Variants in SGPP2 observed in about 807,000 individuals in gnomAD.
SGPP2 encodes sphingosine-1-phosphate phosphatase 2, also known as sphingosine 1-phosphate phosphohydrolase 2.
A neutral mutation model predicts 33.9 loss-of-function variants in SGPP2; 30 were observed. That is an observed-to-expected ratio of 0.89 (90% CI 0.66 to 1.20). The LOEUF is 1.20. Ranked by LOEUF, SGPP2 falls within the 50% of genes most tolerant of loss-of-function variation. SGPP2 has a pLI of 0.00. For synonymous variants in SGPP2, 233 were observed against 225.0 expected (o/e 1.04, Z -0.32); for missense variants, 458 against 532.1 (o/e 0.86, Z 1.37).
At chr2:222,520,434 A>G (rs1559168147) in intron 2 of SGPP2, among the ~76,000 whole-genome samples, 1 of 152,152 alleles carries the variant, frequency 6.6e-6, no homozygotes, top group Non-Finnish European at 1.5e-5. Context: ...AATCATTTTT[A>G]AAAACTCCAT....
intron 2 of SGPP2, among the ~76,000 whole-genome samples, chr2:222,512,053 C>T (rs1418024242): frequency 2.0e-5 from 3 of 151,652 alleles, no homozygotes; most frequent in South Asian, 2.1e-4. Flanking sequence ...CTTGCTCTGT[C>T]GCCCAGGCTG....
chr2:222,496,001 T>C (rs1050569032), intron 2 of SGPP2, among the ~76,000 whole-genome samples: 2 of 152,190 alleles, frequency 1.3e-5, no homozygotes, highest in Non-Finnish European at 2.9e-5. Context: ...CCCTAAGTAA[T>C]AGAAATGCCC....
intron 1 of SGPP2, chr2:222,452,550 T>A: frequency 8.9e-7 from 1 of 1,129,788 alleles, no homozygotes; most frequent in Non-Finnish European, 1.3e-6. Flanking sequence ...TGGCTGGAAC[T>A]ACATGCAGGA....
chr2:222,512,759 A>G (rs115684625), intron 2 of SGPP2, among the ~76,000 whole-genome samples: 3,873 of 152,116 alleles, frequency 0.025, 68 homozygotes, highest in Non-Finnish European at 0.036. Context: ...GGCTTCTTTC[A>G]CTTACTGATA....
chr2:222,478,171 CGAGAGGGA>C (rs141633341), intron 2 of SGPP2, among the ~76,000 whole-genome samples: 3,284 of 75,980 alleles, frequency 0.043, 171 homozygotes, highest in African/African-American at 0.15. Flanking sequence ...TTCCAAGGGG[CGAGAGGGA>C]GAGAGGGAGA....
At chr2:222,485,382 A>C (rs1698089408) in intron 2 of SGPP2, among the ~76,000 whole-genome samples, 1 of 152,178 alleles carries the variant, frequency 6.6e-6, no homozygotes, top group South Asian at 2.1e-4. Context: ...CGCATTTGAC[A>C]GACTGAGTGT....
intron 2 of SGPP2, among the ~76,000 whole-genome samples, chr2:222,489,097 G>T (rs550326495): frequency 4.6e-5 from 7 of 152,264 alleles, no homozygotes; most frequent in African/African-American, 1.7e-4. Context: ...TAAGAGAGTT[G>T]ATTTGTTTTA....
chr2:222,483,171 G>A (rs2106103979), intron 2 of SGPP2, among the ~76,000 whole-genome samples: 1 of 152,320 alleles, frequency 6.6e-6, no homozygotes. Flanking sequence ...AATCACCTCA[G>A]TATGAGACAG....
intron 1 of SGPP2, among the ~76,000 whole-genome samples, chr2:222,456,357 A>G (rs1697573921): frequency 6.6e-6 from 1 of 152,222 alleles, no homozygotes; most frequent in Non-Finnish European, 1.5e-5. Flanking sequence ...ATTGGGAGCC[A>G]CTAGCCTCAC....
At chr2:222,440,698 G>T (rs918086610) in intron 1 of SGPP2, among the ~76,000 whole-genome samples, 1 of 151,770 alleles carries the variant, frequency 6.6e-6, no homozygotes, top group Non-Finnish European at 1.5e-5. Context: ...CTTTAAACTG[G>T]TGTTGCAAGT....
At chr2:222,499,399 G>GCCTGCTCC (rs997318791) in intron 2 of SGPP2, among the ~76,000 whole-genome samples, 1 of 152,206 alleles carries the variant, frequency 6.6e-6, no homozygotes, top group African/African-American at 2.4e-5. Context: ...TGCTCGGCCA[G>GCCTGCTCC]CCTGCTCCCC....
At chr2:222,516,586 T>C (rs995852052) in intron 2 of SGPP2, among the ~76,000 whole-genome samples, 4 of 152,076 alleles carry the variant, frequency 2.6e-5, no homozygotes, top group African/African-American at 7.3e-5. Context: ...AAGAAACTTA[T>C]ATATGTTAAG....
At chr2:222,530,166 G>C (rs1698817548) in intron 4 of SGPP2, among the ~76,000 whole-genome samples, 1 of 152,186 alleles carries the variant, frequency 6.6e-6, no homozygotes, top group Admixed American at 6.5e-5. Flanking sequence ...TTCATTTCTA[G>C]AGCACAGGCA....
intron 1 of SGPP2, among the ~76,000 whole-genome samples, chr2:222,471,299 G>A (rs1697836666): frequency 6.6e-6 from 1 of 152,130 alleles, no homozygotes; most frequent in African/African-American, 2.4e-5. Flanking sequence ...TCAGGGCTAT[G>A]TTGGGGAGGT....
chr2:222,537,939 C>T (rs1481701219), intron 4 of SGPP2, among the ~76,000 whole-genome samples: 1 of 152,166 alleles, frequency 6.6e-6, no homozygotes, highest in African/African-American at 2.4e-5. Context: ...TGTCCTTCAA[C>T]TGGTAAAAGG....
At chr2:222,505,707 G>A (rs1169898124) in intron 2 of SGPP2, among the ~76,000 whole-genome samples, 2 of 152,194 alleles carry the variant, frequency 1.3e-5, no homozygotes, top group Non-Finnish European at 2.9e-5. Flanking sequence ...GCTGAGGAGG[G>A]TAGATTGCTT....
chr2:222,513,407 A>C (rs572770614), intron 2 of SGPP2, among the ~76,000 whole-genome samples: 1 of 152,080 alleles, frequency 6.6e-6, no homozygotes, highest in Non-Finnish European at 1.5e-5. Context: ...GGGAAAAATG[A>C]TCTCGTCTAT....
chr2:222,546,568 G>A (rs553576023), intron 4 of SGPP2, among the ~76,000 whole-genome samples: 8 of 152,216 alleles, frequency 5.3e-5, no homozygotes, highest in African/African-American at 1.9e-4. Flanking sequence ...TTTCCCCAGG[G>A]AGTTTTGCTT....
In SGPP2 at chr2:222,504,338, T is replaced by A. The variant is rs569223741; in HGVS notation, c.379-17429T>A. 3.2e-4 allele frequency: 48 copies of A among 152,334 alleles called. 1 individual carries two copies. The highest frequency in any genetic ancestry group is 1.1e-3 in the African/African-American group (45 of 41,560). 9.4% of individuals were successfully genotyped at this position (152,334 alleles called of 1,614,324 possible). A position where few individuals can be genotyped will look rare whatever the true frequency, so the allele number is the denominator to read the frequency against. On this transcript the variant is annotated intron_variant, in intron 2 of 4. Transcript: ENST00000321276. ...GGAGCAGTGATGGCGTGGACTGTGGTCTGAGATTCCTCCACGTTAGCACAG... is the reference window on the plus strand; with the variant it reads ...GGAGCAGTGATGGCGTGGACTGTGGACTGAGATTCCTCCACGTTAGCACAG...
Sources: gnomAD v4.1 joint callset for allele counts (sites outside exome capture counted in the v4.1 genomes callset) on GRCh38, gnomAD v4.1.1 for gene constraint, MANE v1.5 for transcripts, NCBI Gene and HGNC (gene_info 2026-07-23, HGNC 2026-07-21) for gene names.